The following SOX5 variants were observed in gnomAD, a reference collection of about 807,000 sequenced individuals.
SOX5 encodes SRY-box transcription factor 5.
A neutral mutation model predicts 92.0 loss-of-function variants in SOX5; 9 were observed. The ratio of observed to expected loss-of-function variants is 0.10; its 90% CI spans 0.06 to 0.17. The LOEUF (loss-of-function observed/expected upper bound fraction) is 0.17. Ranked by LOEUF, SOX5 falls within the 10% of genes least tolerant of loss-of-function variation. The pLI, the probability that SOX5 is intolerant of heterozygous loss-of-function variation, is 1.00. For synonymous variants in SOX5, 344 were observed against 336.3 expected (o/e 1.02, Z -0.25); for missense variants, 642 against 944.5 (o/e 0.68, Z 4.20).
intron 2 of SOX5, among the ~76,000 whole-genome samples, chr12:24,351,819 T>C (rs979258549): frequency 2.0e-5 from 3 of 152,252 alleles, no homozygotes; most frequent in African/African-American, 4.8e-5. Flanking sequence ...TGAAGAATTA[T>C]AGATTATTTG....
At chr12:24,346,302 T>C (rs1953236503) in intron 2 of SOX5, among the ~76,000 whole-genome samples, 1 of 152,144 alleles carries the variant, frequency 6.6e-6, no homozygotes, top group Admixed American at 6.5e-5. Flanking sequence ...GAACCTTGAA[T>C]AGCAGGGAAA....
intron 6 of SOX5, among the ~76,000 whole-genome samples, chr12:23,714,058 C>T (rs1165629571): frequency 1.3e-5 from 2 of 150,382 alleles, no homozygotes; most frequent in Non-Finnish European, 3.0e-5. Flanking sequence ...TGAAACTGCA[C>T]CCAGACTAGG....
chr12:24,311,132 C>A (rs1316020704), intron 2 of SOX5, among the ~76,000 whole-genome samples: 6 of 152,030 alleles, frequency 3.9e-5, no homozygotes, highest in Admixed American at 3.9e-4. Context: ...CCATGGGGGG[C>A]CAGGAGGTAG....
chr12:23,642,880 G>A lies in SOX5; in HGVS notation c.932-1983C>T, dbSNP rs965180660. 3.0e-4 allele frequency among the ~76,000 whole-genome samples: 34 copies of A among 112,184 alleles called. 3 individuals carry two copies. The highest frequency in any genetic ancestry group is 2.7e-3 in the Admixed American group (34 of 12,508). The allele number at this position is 112,184 out of a possible 152,430, so 73.6% of individuals were successfully genotyped here. On this transcript the variant is annotated intron_variant, in intron 7 of 14. Coordinates refer to ENST00000451604, the MANE Select transcript of SOX5 (RefSeq NM_006940.6). ...AGGCGGGCGGATCACGAGGTCAGGA[G>A]ATCGAGACCATCCCGGCTAAAACGG...
chr12:23,998,832 G>C (rs1031628342), intron 4 of SOX5, among the ~76,000 whole-genome samples: 1 of 148,978 alleles, frequency 6.7e-6, no homozygotes, highest in African/African-American at 2.5e-5. Context: ...AAAAGGGGGG[G>C]CGAAAAATTA....
chr12:24,094,136 G>A (rs1410182952), intron 4 of SOX5, among the ~76,000 whole-genome samples: 3 of 151,952 alleles, frequency 2.0e-5, no homozygotes, highest in Non-Finnish European at 2.9e-5. Flanking sequence ...TAGTAGAGAG[G>A]GGGTTTCACC....
chr12:23,931,540 T>A (rs1029019377), intron 1 of SOX5, among the ~76,000 whole-genome samples: 1 of 151,706 alleles, frequency 6.6e-6, no homozygotes, highest in African/African-American at 2.4e-5. Context: ...GTAGGAAACT[T>A]TGGTAACGAA....
At chr12:23,653,379 G>T (rs1040095568) in intron 7 of SOX5, among the ~76,000 whole-genome samples, 1 of 151,710 alleles carries the variant, frequency 6.6e-6, no homozygotes, top group South Asian at 2.1e-4. Context: ...CCTTTAGGTT[G>T]ACTTGAGACC....
chr12:24,382,074 T>C (rs951023648), intron 1 of SOX5, among the ~76,000 whole-genome samples: 1 of 152,198 alleles, frequency 6.6e-6, no homozygotes, highest in Non-Finnish European at 1.5e-5. Flanking sequence ...ACAAGTTCCT[T>C]GCCCTCACGC....
chr12:23,686,834 G>A lies in SOX5; in HGVS notation c.811-21270C>T, dbSNP rs1371827637. ...ATAGATATATTTTCCATTGAAAACTGGAGGAGACAACAACAGTAAATAAAA... is the reference window on the plus strand; with the variant it reads ...ATAGATATATTTTCCATTGAAAACTAGAGGAGACAACAACAGTAAATAAAA... On this transcript the variant is annotated intron_variant, in intron 6 of 14. Coordinates refer to ENST00000451604, the MANE Select transcript of SOX5 (RefSeq NM_006940.6). Among the ~76,000 whole-genome samples the A allele has an allele frequency of 3.9e-5, 6 of 152,048 alleles. No homozygotes were observed. In the East Asian group the frequency reaches 1.2e-3, roughly 29 times the overall value.
intron 1 of SOX5, among the ~76,000 whole-genome samples, chr12:24,451,684 C>T (rs1185542317): frequency 6.6e-6 from 1 of 152,124 alleles, no homozygotes; most frequent in Non-Finnish European, 1.5e-5. Context: ...GGTCTGTAGA[C>T]TTTCATTTTA....
At chr12:23,990,977 T>A (rs1384367991) in intron 4 of SOX5, among the ~76,000 whole-genome samples, 1 of 151,964 alleles carries the variant, frequency 6.6e-6, no homozygotes, top group Admixed American at 6.6e-5. Context: ...ACTGTTAATA[T>A]AGGTGAAGAT....
At chr12:23,932,785 C>A (rs530593995) in intron 1 of SOX5, among the ~76,000 whole-genome samples, 47 of 151,682 alleles carry the variant, frequency 3.1e-4, no homozygotes, top group African/African-American at 1.1e-3. Flanking sequence ...CAAAAATCTT[C>A]TTGGTTGATC....
In SOX5 at chr12:24,298,797, A is replaced by AAAAAG. The variant is rs1947602270; in HGVS notation, c.-173-21486_-173-21485insCTTTT. ...CCCAGAGTAGTCAAAAAAAAAAAAA[A>AAAAAG]AAACTACATTTTTTTAACCTAATTG... On this transcript the variant is annotated intron_variant, in intron 2 of 4. Transcript: ENST00000446891. Among the ~76,000 whole-genome samples the AAAAAG allele has an allele frequency of 1.3e-5, 2 of 149,746 alleles. 1 individual carries two copies. Among genetic ancestry groups the AAAAAG allele is most frequent in the Non-Finnish European group, 3.0e-5 (2 of 67,086 alleles).
intron 1 of SOX5, among the ~76,000 whole-genome samples, chr12:24,401,081 C>T (rs1369211975): frequency 1.3e-5 from 2 of 152,136 alleles, no homozygotes; most frequent in South Asian, 2.1e-4. Context: ...TGGCCAGGCA[C>T]GGCGGCTCAT....
chr12:24,554,238 T>C (rs956416443), intron 1 of SOX5, among the ~76,000 whole-genome samples: 1 of 152,144 alleles, frequency 6.6e-6, no homozygotes, highest in Non-Finnish European at 1.5e-5. Context: ...TTGCCATAGT[T>C]CCTAAACCAG....
intron 3 of SOX5, among the ~76,000 whole-genome samples, chr12:23,774,983 A>G (rs1244149211): frequency 6.6e-6 from 1 of 152,186 alleles, no homozygotes; most frequent in Non-Finnish European, 1.5e-5. Context: ...TTTTGTATGT[A>G]TGCAAAATAG....
At chr12:24,329,174 A>C (rs1189740877) in intron 2 of SOX5, among the ~76,000 whole-genome samples, 1 of 152,164 alleles carries the variant, frequency 6.6e-6, no homozygotes, top group African/African-American at 2.4e-5. Flanking sequence ...TTTTTATTAC[A>C]ATCTAGTAGT....
At chr12:23,978,924 T>C (rs1949210893) in intron 4 of SOX5, among the ~76,000 whole-genome samples, 1 of 152,222 alleles carries the variant, frequency 6.6e-6, no homozygotes, top group African/African-American at 2.4e-5. Flanking sequence ...CTCCTTTATG[T>C]CTTTAGATAC....
Sources: gnomAD v4.1 joint callset for allele counts (sites outside exome capture counted in the v4.1 genomes callset) on GRCh38, gnomAD v4.1.1 for gene constraint, MANE v1.5 for transcripts, NCBI Gene and HGNC (gene_info 2026-07-23, HGNC 2026-07-21) for gene names.